The following TENM4 variants were observed in gnomAD, a reference collection of about 807,000 sequenced individuals.
TENM4 encodes the protein teneurin transmembrane protein 4.
A neutral mutation model predicts 243.3 loss-of-function variants in TENM4; 82 were observed. The ratio of observed to expected loss-of-function variants is 0.34; its 90% CI spans 0.28 to 0.40. TENM4 has a LOEUF of 0.40. TENM4 is among the 10% of genes least tolerant of loss of function. The probability of loss-of-function intolerance (pLI) is 1.00; values close to 1 mark genes in which losing one functional copy is unlikely to be tolerated. For missense variants in TENM4, 3,138 were observed against 3,673.3 expected (o/e 0.85, Z 3.77); for synonymous variants, 1,412 against 1,456.3 (o/e 0.97, Z 0.69).
intron 3 of TENM4, among the ~76,000 whole-genome samples, chr11:79,169,553 T>C (rs1220242695): frequency 1.3e-5 from 2 of 152,268 alleles, no homozygotes; most frequent in Non-Finnish European, 2.9e-5. Flanking sequence ...AGACTGTTGA[T>C]TGAACAAATC....
At chr11:79,302,396 C>G (rs1307973553) in intron 1 of TENM4, among the ~76,000 whole-genome samples, 1 of 152,176 alleles carries the variant, frequency 6.6e-6, no homozygotes, top group Non-Finnish European at 1.5e-5. Flanking sequence ...TCATGCTTTT[C>G]TGCAGCTCCT....
rs534833703 is a variant in TENM4, at chr11:79,038,410, T to C, written c.493+26328A>G. On this transcript the variant is annotated intron_variant, in intron 6 of 33. Coordinates refer to ENST00000278550, the MANE Select transcript of TENM4 (RefSeq NM_001098816.3). Reference sequence around the variant, plus strand: ...GGAATTTCAATGCCATCTTTAACTGTCTGTACTTCTCCTTCTTACCTTCTT... The same window carrying C: ...GGAATTTCAATGCCATCTTTAACTGCCTGTACTTCTCCTTCTTACCTTCTT... 9.8e-5 allele frequency among the ~76,000 whole-genome samples: 15 copies of C among 152,352 alleles called. No homozygotes were observed. The South Asian group carries it at 3.1e-3, about 32-fold the overall frequency.
intron 6 of TENM4, among the ~76,000 whole-genome samples, chr11:78,944,159 T>C (rs912448402): frequency 2.0e-5 from 3 of 152,148 alleles, no homozygotes; most frequent in African/African-American, 7.2e-5. Flanking sequence ...GAACTGGGAC[T>C]GGAAGCAGAA....
intron 3 of TENM4, among the ~76,000 whole-genome samples, chr11:79,209,836 G>A (rs1005804493): frequency 1.3e-5 from 2 of 152,164 alleles, no homozygotes; most frequent in African/African-American, 4.8e-5. Flanking sequence ...AGACAGGCAG[G>A]CCTGGCTTCA....
chr11:78,889,714 C>T (rs1855619963), intron 9 of TENM4, 71 bp downstream of exon 9: 3 of 1,474,960 alleles, frequency 2.0e-6, no homozygotes, highest in African/African-American at 1.4e-5. Context: ...CCTTCAGTGC[C>T]CACACGTGTC....
chr11:78,862,963 T>A lies in TENM4; in HGVS notation c.1254A>T (p.Glu418Asp). The A allele has an allele frequency of 3.4e-6, 5 of 1,458,572 alleles. No individual in the cohort carries two copies. Among genetic ancestry groups the A allele is most frequent in the Non-Finnish European group, 4.6e-6 (5 of 1,085,664 alleles). The allele number at this position is 1,458,572 out of a possible 1,614,324, so 90.4% of individuals were successfully genotyped here. The change falls in exon 10 of 34, where the codon GAA becomes GAT. Residue 418 changes from glutamate (E) to aspartate (D), a missense_variant and splice_region_variant. Glu to Asp is a conservative substitution (Grantham distance 45). Coordinates refer to ENST00000278550, the MANE Select transcript of TENM4 (RefSeq NM_001098816.3). ...ACACGGACAACGCAGCAACCCTACC[T>A]TCTGTGGTTCCTTTGCCTTTCCTGT... ...TPDRKGKGTT[E>D]GKPSSFFPED...
intron 1 of TENM4, among the ~76,000 whole-genome samples, chr11:79,379,316 A>T (rs565782336): frequency 2.2e-4 from 34 of 152,306 alleles, no homozygotes; most frequent in African/African-American, 8.2e-4. Flanking sequence ...TTTTATTTTA[A>T]TTGTGATGCT....
At chr11:79,344,033 C>T (rs1857285942) in intron 1 of TENM4, among the ~76,000 whole-genome samples, 1 of 152,214 alleles carries the variant, frequency 6.6e-6, no homozygotes, top group South Asian at 2.1e-4. Flanking sequence ...GTGTTTTCTC[C>T]CTATTTTAAA....
intron 2 of TENM4, among the ~76,000 whole-genome samples, chr11:79,220,605 C>T (rs1398565381): frequency 3.9e-5 from 6 of 152,172 alleles, no homozygotes; most frequent in African/African-American, 1.4e-4. Flanking sequence ...AGCTTTCCTC[C>T]TCACAAATTT....
rs537013808 is a variant in TENM4, at chr11:78,905,318, T to C, written c.494-1795A>G. Among the ~76,000 whole-genome samples, 3 of 152,290 alleles carry C rather than the reference T, an allele frequency of 2.0e-5. No homozygotes were observed. In the South Asian group the frequency reaches 6.2e-4, roughly 32 times the overall value. On this transcript the variant is annotated intron_variant, in intron 6 of 33. Coordinates refer to ENST00000278550, the MANE Select transcript of TENM4 (RefSeq NM_001098816.3). Reference sequence around the variant, plus strand: ...ATTAGTGTTATGGATTTTTTTAGTGTAAGATGCATCACTCTGCTTTTTGAG... The same window carrying C: ...ATTAGTGTTATGGATTTTTTTAGTGCAAGATGCATCACTCTGCTTTTTGAG...
chr11:79,337,266 C>G (rs1034601004), intron 1 of TENM4, among the ~76,000 whole-genome samples: 2 of 152,194 alleles, frequency 1.3e-5, no homozygotes, highest in Non-Finnish European at 2.9e-5. Context: ...TCAGGGCAGA[C>G]TGGGAGGAGC....
chr11:78,875,081 C>A (rs935748731), intron 9 of TENM4, among the ~76,000 whole-genome samples: 1 of 152,200 alleles, frequency 6.6e-6, no homozygotes, highest in Non-Finnish European at 1.5e-5. Context: ...ATAACCTGGC[C>A]TCCTGTTGGC....
In TENM4 at chr11:79,247,332, G is replaced by A. The variant is rs1306594920; in HGVS notation, c.-264-31423C>T. On this transcript the variant is annotated intron_variant, in intron 2 of 33. Coordinates refer to ENST00000278550, the MANE Select transcript of TENM4 (RefSeq NM_001098816.3). ...CTCAGGAGGCTGAGGCAGGAGAATC[G>A]CTTGAATCTGGGAGGCGGAAGTTGC... is the stretch of plus-strand genomic sequence containing the variant. 3.4e-5 allele frequency among the ~76,000 whole-genome samples: 5 copies of A among 149,210 alleles called. No homozygotes were observed. The East Asian group carries it at 8.0e-4, about 24-fold the overall frequency.
chr11:79,366,717 T>G (rs1170620601), intron 1 of TENM4, among the ~76,000 whole-genome samples: 1 of 152,206 alleles, frequency 6.6e-6, no homozygotes, highest in Admixed American at 6.5e-5. Flanking sequence ...GTAAGCTCCT[T>G]GAGGCCTGGG....
At chr11:79,324,070 A>G (rs1320418809) in intron 1 of TENM4, among the ~76,000 whole-genome samples, 1 of 152,128 alleles carries the variant, frequency 6.6e-6, no homozygotes, top group Non-Finnish European at 1.5e-5. Context: ...TTTGCATATA[A>G]CCTACACACA....
At chr11:79,102,238 T>TA (rs1861250510) in intron 4 of TENM4, among the ~76,000 whole-genome samples, 1 of 152,126 alleles carries the variant, frequency 6.6e-6, no homozygotes, top group Admixed American at 6.5e-5. Context: ...GAGGGAAAAA[T>TA]AAACAGAAGG....
At chr11:79,222,080 T>C (rs1159307771) in intron 2 of TENM4, among the ~76,000 whole-genome samples, 1 of 152,248 alleles carries the variant, frequency 6.6e-6, no homozygotes, top group African/African-American at 2.4e-5. Context: ...TTCATAGGCA[T>C]AGGTGTGCTG....
At position 78,728,262 on chromosome 11, in the gene TENM4, T is replaced by C. The variant is rs533237782; in HGVS notation, c.3406+1114A>G. 2.0e-5 allele frequency among the ~76,000 whole-genome samples: 3 copies of C among 152,332 alleles called. 1 individual carries two copies. In the South Asian group the frequency reaches 6.2e-4, roughly 32 times the overall value. ...AAGATCTGGAATAAATCCAGCTCTGTTCCTTTCTAGCTGTGCATCTCACTG... is the reference window on the plus strand; with the variant it reads ...AAGATCTGGAATAAATCCAGCTCTGCTCCTTTCTAGCTGTGCATCTCACTG... On this transcript the variant is annotated intron_variant, in intron 22 of 33. Coordinates refer to ENST00000278550, the MANE Select transcript of TENM4 (RefSeq NM_001098816.3).
intron 2 of TENM4, among the ~76,000 whole-genome samples, chr11:79,296,148 G>A (rs1336029266): frequency 6.6e-6 from 1 of 152,154 alleles, no homozygotes. Context: ...TCATCCTCAA[G>A]AAGTTGTGAT....
Sources: gnomAD v4.1 joint callset for allele counts (sites outside exome capture counted in the v4.1 genomes callset) on GRCh38, gnomAD v4.1.1 for gene constraint, MANE v1.5 for transcripts, NCBI Gene and HGNC (gene_info 2026-07-23, HGNC 2026-07-21) for gene names.